IL1RAPL1: variants seen among roughly 807,000 people sequenced by gnomAD.
The protein encoded by IL1RAPL1 is interleukin 1 receptor accessory protein like 1, also known as interleukin-1 receptor accessory protein-like 1.
IL1RAPL1 carries 3 observed loss-of-function variants against 48.4 expected under a neutral mutation model. The observed-to-expected ratio is 0.06, with a 90% CI of 0.03 to 0.16. IL1RAPL1 has a LOEUF of 0.16. Among genes scored for constraint, IL1RAPL1 ranks in the 10% least tolerant of loss-of-function variants. The probability of loss-of-function intolerance (pLI) is 1.00; values close to 1 mark genes in which losing one functional copy is unlikely to be tolerated. For synonymous variants in IL1RAPL1, 185 were observed against 187.7 expected (o/e 0.99, Z 0.12); for missense variants, 349 against 530.6 (o/e 0.66, Z 3.36).
intron 5 of IL1RAPL1, among the ~76,000 whole-genome samples, chrX:29,404,835 A>AT: frequency 8.9e-6 from 1 of 111,781 alleles, no homozygotes; most frequent in East Asian, 2.8e-4. Context: ...CTTAGTTTTC[A>AT]TTTATCAGAG....
chrX:28,646,573 G>A (rs775221667), intron 1 of IL1RAPL1, among the ~76,000 whole-genome samples: 3 of 112,402 alleles, frequency 2.7e-5, no homozygotes, highest in Non-Finnish European at 5.6e-5. Context: ...AATGCAATGT[G>A]GTATATTTTA....
intron 2 of IL1RAPL1, among the ~76,000 whole-genome samples, chrX:29,156,222 A>G (rs780440150): frequency 9.0e-6 from 1 of 111,534 alleles, no homozygotes; most frequent in Non-Finnish European, 1.9e-5. Context: ...TTAGTGTGCT[A>G]CATTGCTTGC....
chrX:29,804,788 G>A lies in IL1RAPL1; in HGVS notation c.779-112676G>A, dbSNP rs1270206036. 3.6e-5 allele frequency among the ~76,000 whole-genome samples: 4 copies of A among 112,034 alleles called. No homozygotes were observed. The East Asian group carries it at 1.1e-3, about 31-fold the overall frequency. On this transcript the variant is annotated intron_variant, in intron 6 of 10. Coordinates refer to ENST00000378993, the MANE Select transcript of IL1RAPL1 (RefSeq NM_014271.4). ...CCTATATGTCAATGGGCCAACTTGT[G>A]TGTTTTGTAATTAAATATACTAGTT...
chrX:28,748,817 C>T (rs181925497), intron 1 of IL1RAPL1, among the ~76,000 whole-genome samples: 11 of 111,541 alleles, frequency 9.9e-5, no homozygotes, highest in Admixed American at 8.6e-4. Flanking sequence ...CTTCTTCTAG[C>T]TATTTTGTAA....
At chrX:28,859,310 G>A (rs1484876419) in intron 2 of IL1RAPL1, among the ~76,000 whole-genome samples, 1 of 112,321 alleles carries the variant, frequency 8.9e-6, no homozygotes, top group East Asian at 2.8e-4. Flanking sequence ...CCAGGCTGGA[G>A]TGCAGTGGCG....
chrX:29,613,409 C>T (rs1924155211), intron 5 of IL1RAPL1, among the ~76,000 whole-genome samples: 1 of 110,883 alleles, frequency 9.0e-6, no homozygotes, highest in Non-Finnish European at 1.9e-5. Context: ...ACTTGCTCTT[C>T]CTCCGAGAGC....
chrX:29,302,771 T>C (rs1569280523), intron 3 of IL1RAPL1, among the ~76,000 whole-genome samples: 1 of 111,278 alleles, frequency 9.0e-6, no homozygotes, highest in Non-Finnish European at 1.9e-5. Flanking sequence ...GCTTGGAGAG[T>C]AGCATCTAAC....
At chrX:29,691,357 G>A (rs1926765787) in intron 6 of IL1RAPL1, among the ~76,000 whole-genome samples, 1 of 111,313 alleles carries the variant, frequency 9.0e-6, no homozygotes, top group South Asian at 3.8e-4. Flanking sequence ...ATTTATCCTG[G>A]GTTGCTCGAT....
At chrX:29,950,917 A>G (rs1357107333) in intron 9 of IL1RAPL1, among the ~76,000 whole-genome samples, 4 of 111,105 alleles carry the variant, frequency 3.6e-5, no homozygotes, top group African/African-American at 1.3e-4. Flanking sequence ...TGACCTTGTG[A>G]TCTGCCTGCC....
intron 5 of IL1RAPL1, among the ~76,000 whole-genome samples, chrX:29,425,751 T>C (rs1438278006): frequency 9.1e-6 from 1 of 109,900 alleles, no homozygotes; most frequent in Middle Eastern, 4.6e-3. Flanking sequence ...AGCTATTTTT[T>C]TTTTGTAGAG....
intron 5 of IL1RAPL1, among the ~76,000 whole-genome samples, chrX:29,614,125 A>G (rs1342210497): frequency 9.0e-6 from 1 of 111,203 alleles, no homozygotes; most frequent in Non-Finnish European, 1.9e-5. Context: ...CCTCTGGTAT[A>G]CTCAAAATTA....
intron 8 of IL1RAPL1, among the ~76,000 whole-genome samples, chrX:29,930,951 G>A (rs779253255): frequency 1.8e-5 from 2 of 111,876 alleles, no homozygotes; most frequent in East Asian, 5.6e-4. Context: ...GCTATGTTAT[G>A]CTATTTTGGT....
intron 2 of IL1RAPL1, among the ~76,000 whole-genome samples, chrX:29,054,893 A>G (rs1479469999): frequency 8.9e-6 from 1 of 112,227 alleles, no homozygotes; most frequent in Non-Finnish European, 1.9e-5. Flanking sequence ...ATAGTACACA[A>G]TACTTAATAG....
chrX:29,441,453 T>C (rs994114393), intron 5 of IL1RAPL1, among the ~76,000 whole-genome samples: 1 of 112,214 alleles, frequency 8.9e-6, no homozygotes, highest in East Asian at 2.8e-4. Flanking sequence ...CCATTGTTGA[T>C]GTATACTGGG....
At chrX:29,509,967 A>G (rs1195713137) in intron 5 of IL1RAPL1, among the ~76,000 whole-genome samples, 1 of 112,102 alleles carries the variant, frequency 8.9e-6, no homozygotes. Flanking sequence ...CACTCATAGT[A>G]ATTACTGTCA....
At chrX:29,401,072 A>G (rs1340441342) in intron 5 of IL1RAPL1, among the ~76,000 whole-genome samples, 4 of 111,661 alleles carry the variant, frequency 3.6e-5, no homozygotes, top group Non-Finnish European at 7.5e-5. Flanking sequence ...TATTTTATAG[A>G]ACCAAAAATA....
intron 5 of IL1RAPL1, among the ~76,000 whole-genome samples, chrX:29,494,586 G>A (rs1402018823): frequency 8.9e-6 from 1 of 111,947 alleles, no homozygotes; most frequent in African/African-American, 3.2e-5. Flanking sequence ...CTCTAATGCC[G>A]TTATGTGTGA....
chrX:29,895,558 A>T (rs1192757254), intron 6 of IL1RAPL1, among the ~76,000 whole-genome samples: 1 of 112,811 alleles, frequency 8.9e-6, no homozygotes, highest in Non-Finnish European at 1.9e-5. Flanking sequence ...TCTCAAAGAA[A>T]AAAAGCTATT....
rs148618959 is a variant in IL1RAPL1 at position 29,732,092 on chromosome X, G to A, written c.778+63588G>A. 6.3e-5 allele frequency among the ~76,000 whole-genome samples: 7 copies of A among 111,630 alleles called. No individual in the cohort carries two copies. The Admixed American group carries it at 6.7e-4, about 11-fold the overall frequency. On this transcript the variant is annotated intron_variant, in intron 6 of 10. Coordinates refer to ENST00000378993, the MANE Select transcript of IL1RAPL1 (RefSeq NM_014271.4). The stretch of plus-strand genomic sequence containing the variant: ...GAGTAGCATATGCTTCAAAACATCA[G>A]ATATTTACTATCCTCAAAATGACTG...
Sources: allele counts gnomAD v4.1 joint callset (sites outside exome capture counted in the v4.1 genomes callset), GRCh38; gene constraint gnomAD v4.1.1; transcripts MANE v1.5; gene names NCBI Gene and HGNC (gene_info 2026-07-23, HGNC 2026-07-21).